ATXN7L1: variants seen among roughly 807,000 people sequenced by gnomAD.
ATXN7L1 encodes ataxin 7 like 1, also known as ataxin-7-like protein 1.
A neutral mutation model predicts 70.8 loss-of-function variants in ATXN7L1; 15 were observed. The observed-to-expected ratio is 0.21, with a 90% confidence interval of 0.14 to 0.33. The LOEUF is 0.33. Ranked by LOEUF, ATXN7L1 falls within the 10% of genes least tolerant of loss-of-function variation. The probability of loss-of-function intolerance (pLI) is 1.00; values close to 1 mark genes in which losing one functional copy is unlikely to be tolerated. For synonymous variants in ATXN7L1, 440 were observed against 445.1 expected (o/e 0.99, Z 0.14); for missense variants, 975 against 1,097.1 (o/e 0.89, Z 1.57).
chr7:105,786,524 T>C (rs956523328), intron 3 of ATXN7L1, among the ~76,000 whole-genome samples: 7 of 152,162 alleles, frequency 4.6e-5, no homozygotes, highest in Admixed American at 1.3e-4. Flanking sequence ...TTTTGTTTTA[T>C]TGTTTGTTTC....
At chr7:105,693,124 A>C (rs1248139116) in intron 3 of ATXN7L1, among the ~76,000 whole-genome samples, 1 of 152,232 alleles carries the variant, frequency 6.6e-6, no homozygotes, top group Non-Finnish European at 1.5e-5. Context: ...ATAAAATTTT[A>C]GTTACCTGAG....
chr7:105,758,589 G>A (rs977574529), intron 3 of ATXN7L1, among the ~76,000 whole-genome samples: 2 of 152,300 alleles, frequency 1.3e-5, no homozygotes, highest in South Asian at 2.1e-4. Context: ...TGGCTCTGTG[G>A]CCCCCTGCCA....
intron 3 of ATXN7L1, among the ~76,000 whole-genome samples, chr7:105,750,600 G>A (rs1027771912): frequency 1.3e-5 from 2 of 152,062 alleles, no homozygotes; most frequent in African/African-American, 2.4e-5. Context: ...TCAGGCGTTC[G>A]AGACCAGCCT....
At chr7:105,738,827 C>T (rs1388414583) in intron 3 of ATXN7L1, among the ~76,000 whole-genome samples, 1 of 152,194 alleles carries the variant, frequency 6.6e-6, no homozygotes, top group Non-Finnish European at 1.5e-5. Flanking sequence ...TGCATCCCAT[C>T]CAGTTGGATG....
rs577505013 is a variant in ATXN7L1 at position 105,697,054 on chromosome 7, A to G, written c.356-31766T>C. 2.0e-5 allele frequency among the ~76,000 whole-genome samples: 3 copies of G among 152,338 alleles called. No homozygotes were observed. The East Asian group carries it at 5.8e-4, about 29-fold the overall frequency. The stretch of plus-strand genomic sequence containing the variant: ...ACAGACATCAAGTACTTAACAGGGT[A>G]ATAGAATATCACAAGACAAGTGGAG... On this transcript the variant is annotated intron_variant, in intron 3 of 11. Coordinates refer to ENST00000419735, the MANE Select transcript of ATXN7L1 (RefSeq NM_020725.2).
At chr7:105,761,439 T>A in intron 3 of ATXN7L1, 1 of 1,614,172 alleles carries the variant, frequency 6.2e-7, no homozygotes, top group Non-Finnish European at 8.5e-7. Context: ...GATGCCTTCA[T>A]TTCTCCTGTT....
intron 4 of ATXN7L1, chr7:105,649,514 A>G (rs1584510460): frequency 7.1e-6 from 7 of 987,808 alleles, no homozygotes; most frequent in Non-Finnish European, 8.4e-6. Flanking sequence ...TTTAAGAAAC[A>G]TGGTTCTCTT....
At position 105,607,682 on chromosome 7, in the gene ATXN7L1, T is replaced by A. The variant is rs1164765594; in HGVS notation, c.*170A>T. The stretch of plus-strand genomic sequence containing the variant: ...CTCAAATTCACCTTCTTTTGCCTTT[T>A]TAACTAAAAATTGGTCAATTAAAAA... On this transcript the variant is annotated 3_prime_UTR_variant, in exon 12 of 12. Transcript: ENST00000419735. 3.4e-6 allele frequency: 2 copies of A among 580,780 alleles called. No homozygotes were observed. 36.0% of individuals were successfully genotyped at this position (580,780 alleles called of 1,614,324 possible).
intron 3 of ATXN7L1, among the ~76,000 whole-genome samples, chr7:105,700,970 C>T (rs1208397912): frequency 6.6e-6 from 1 of 152,232 alleles, no homozygotes; most frequent in Non-Finnish European, 1.5e-5. Context: ...GTGTTAGCTA[C>T]TGCGGCCGGC....
intron 5 of ATXN7L1, among the ~76,000 whole-genome samples, chr7:105,641,661 A>C (rs73717211): frequency 0.021 from 3,151 of 152,328 alleles, 118 homozygotes; most frequent in African/African-American, 0.071. Context: ...CTGAAGAGTG[A>C]AACCAAGCTT....
At chr7:105,681,164 C>T (rs1277105531) in intron 3 of ATXN7L1, among the ~76,000 whole-genome samples, 1 of 152,210 alleles carries the variant, frequency 6.6e-6, no homozygotes, top group Non-Finnish European at 1.5e-5. Context: ...CGGTTGCTCA[C>T]GCCTGTAATC....
At chr7:105,739,562 A>G (rs1389409480) in intron 3 of ATXN7L1, among the ~76,000 whole-genome samples, 2 of 152,096 alleles carry the variant, frequency 1.3e-5, no homozygotes, top group African/African-American at 4.8e-5. Flanking sequence ...TGGTGGAGTG[A>G]AAAGATGGAG....
chr7:105,658,786 G>A (rs927180811), intron 4 of ATXN7L1, among the ~76,000 whole-genome samples: 3 of 151,858 alleles, frequency 2.0e-5, no homozygotes, highest in Admixed American at 6.6e-5. Context: ...CATCCGCTTC[G>A]GCTTCCCAAA....
rs1187191187 is a variant in ATXN7L1 at position 105,605,483 on chromosome 7, G to T, written c.*2369C>A. ...GCAGCATTCGATGAGGGTGGGGGGG[G>T]GGGTGGGGGCTCTTTATTCCAGCTT... On this transcript the variant is annotated 3_prime_UTR_variant, in exon 12 of 12. Transcript: ENST00000419735. 6.2e-5 allele frequency: 6 copies of T among 96,060 alleles called. No homozygotes were observed. Among genetic ancestry groups the T allele is most frequent in the South Asian group, 3.7e-4 (1 of 2,722 alleles). The allele number at this position is 96,060 out of a possible 1,614,324, so 6.0% of individuals were successfully genotyped here.
At chr7:105,715,953 C>A (rs601781) in intron 3 of ATXN7L1, among the ~76,000 whole-genome samples, 34,702 of 151,922 alleles carry the variant, frequency 0.23, 4,069 homozygotes, top group Admixed American at 0.25. Flanking sequence ...CAGCAGGCTT[C>A]AGGTATAGGC....
chr7:105,639,449 G>T, intron 6 of ATXN7L1, 38 bp downstream of exon 6: 2 of 1,499,358 alleles, frequency 1.3e-6, no homozygotes, highest in African/African-American at 2.8e-5. Flanking sequence ...AAAGGCCCCA[G>T]CGAGAGCAGG....
At chr7:105,847,760 A>AT (rs1293118627) in intron 2 of ATXN7L1, among the ~76,000 whole-genome samples, 1 of 152,248 alleles carries the variant, frequency 6.6e-6, no homozygotes, top group Non-Finnish European at 1.5e-5. Context: ...TGAAAGGCTA[A>AT]TATATATGAA....
At chr7:105,618,181 G>A (rs1163928942) in intron 9 of ATXN7L1, 1 of 393,852 alleles carries the variant, frequency 2.5e-6, no homozygotes, top group African/African-American at 2.1e-5. Flanking sequence ...CCACGTGTCC[G>A]GGATTGACAC....
intron 2 of ATXN7L1, among the ~76,000 whole-genome samples, chr7:105,854,149 C>T (rs1815335125): frequency 6.6e-6 from 1 of 151,276 alleles, no homozygotes; most frequent in Non-Finnish European, 1.5e-5. Context: ...AAACTGCCAT[C>T]CTGCTATAAA....
Sources: gnomAD v4.1 joint callset for allele counts (sites outside exome capture counted in the v4.1 genomes callset) on GRCh38, gnomAD v4.1.1 for gene constraint, MANE v1.5 for transcripts, NCBI Gene and HGNC (gene_info 2026-07-23, HGNC 2026-07-21) for gene names.